PCCA: variants seen among roughly 807,000 people sequenced by gnomAD.
PCCA encodes propionyl-CoA carboxylase alpha chain, mitochondrial.
PCCA carries 74 observed loss-of-function variants against 101.3 expected under a neutral mutation model. The ratio of observed to expected loss-of-function variants is 0.73; its 90% confidence interval spans 0.61 to 0.89. The LOEUF (loss-of-function observed/expected upper bound fraction) is 0.89. Among genes scored for constraint, PCCA ranks in the 40% least tolerant of loss-of-function variants. The pLI is 0.00. For missense variants in PCCA, 891 were observed against 907.0 expected (o/e 0.98, Z 0.23); for synonymous variants, 294 against 313.6 (o/e 0.94, Z 0.66).
intron 4 of PCCA, among the ~76,000 whole-genome samples, chr13:100,123,242 T>G (rs2049594186): frequency 1.3e-5 from 2 of 151,880 alleles, no homozygotes; most frequent in Non-Finnish European, 2.9e-5. Flanking sequence ...TTTAGTAGAG[T>G]TGGGGTTTCA....
chr13:100,482,789 G>C (rs1207986292), intron 21 of PCCA, among the ~76,000 whole-genome samples: 1 of 152,172 alleles, frequency 6.6e-6, no homozygotes, highest in Non-Finnish European at 1.5e-5. Context: ...GGGAGGTCGG[G>C]GCGGGCGGAT....
intron 19 of PCCA, among the ~76,000 whole-genome samples, chr13:100,376,292 C>CG (rs796986900): frequency 2.4e-4 from 37 of 152,234 alleles, no homozygotes; most frequent in Admixed American, 1.0e-3. Flanking sequence ...TCAATCCCTG[C>CG]GGGGGGGTGT....
At chr13:100,203,535 TA>T (rs1194728841) in intron 6 of PCCA, among the ~76,000 whole-genome samples, 1 of 151,212 alleles carries the variant, frequency 6.6e-6, no homozygotes, top group Non-Finnish European at 1.5e-5. Flanking sequence ...ACTAAAAATA[TA>T]AAACCATATT....
intron 20 of PCCA, among the ~76,000 whole-genome samples, chr13:100,427,838 G>A (rs2079259997): frequency 6.6e-6 from 1 of 151,824 alleles, no homozygotes; most frequent in Non-Finnish European, 1.5e-5. Context: ...AAAATGTAAT[G>A]TGGCCCCTAT....
chr13:100,399,775 T>C (rs1259568569), intron 19 of PCCA, among the ~76,000 whole-genome samples: 1 of 152,158 alleles, frequency 6.6e-6, no homozygotes, highest in Non-Finnish European at 1.5e-5. Flanking sequence ...CTTCAATGAA[T>C]AGAAATTGTA....
At chr13:100,149,702 C>G (rs1013788667) in intron 4 of PCCA, 1 of 152,228 alleles carries the variant, frequency 6.6e-6, no homozygotes, top group East Asian at 1.9e-4. Context: ...TATTCTCAGT[C>G]GTGGTAAATA....
At chr13:100,162,651 C>G (rs570184563) in intron 6 of PCCA, among the ~76,000 whole-genome samples, 4 of 152,220 alleles carry the variant, frequency 2.6e-5, no homozygotes, top group African/African-American at 9.6e-5. Context: ...AACTTGGATG[C>G]CAGTGAAGGC....
intron 21 of PCCA, among the ~76,000 whole-genome samples, 166 bp from the exon 22 acceptor site, chr13:100,515,261 C>G (rs747746531): frequency 6.6e-6 from 1 of 152,118 alleles, no homozygotes; most frequent in Non-Finnish European, 1.5e-5. Context: ...CAATATATGA[C>G]AGAAACAAAT....
At chr13:100,107,588 C>T (rs2047926910) in intron 2 of PCCA, among the ~76,000 whole-genome samples, 1 of 152,130 alleles carries the variant, frequency 6.6e-6, no homozygotes, top group Non-Finnish European at 1.5e-5. Context: ...CATTGTTATA[C>T]TCTGATTACA....
At chr13:100,253,830 A>T (rs1403857615) in intron 8 of PCCA, among the ~76,000 whole-genome samples, 2 of 149,066 alleles carry the variant, frequency 1.3e-5, no homozygotes, top group Non-Finnish European at 3.0e-5. Context: ...GTGAGGAAAA[A>T]CTTGGGAAGG....
At chr13:100,348,764 CTTTCTTTCTTTCTTT>C (rs1566976071) in intron 18 of PCCA, among the ~76,000 whole-genome samples, 43 of 87,868 alleles carry the variant, frequency 4.9e-4, no homozygotes, top group African/African-American at 1.1e-3. Context: ...TTCTTTCTTT[CTTTCTTTCTTTCTTT>C]CTTTCTTTCT....
chr13:100,305,885 T>C, intron 14 of PCCA: 1 of 410,728 alleles, frequency 2.4e-6, no homozygotes, highest in South Asian at 2.0e-5. Flanking sequence ...TGTATATGAA[T>C]GTGAATACGA....
intron 21 of PCCA, among the ~76,000 whole-genome samples, chr13:100,514,325 C>T (rs1314942581): frequency 6.6e-6 from 1 of 152,176 alleles, no homozygotes; most frequent in Non-Finnish European, 1.5e-5. Flanking sequence ...TGAAGAGGCA[C>T]TTAGAGATTC....
At chr13:100,237,937 TTC>T (rs776776896) in intron 8 of PCCA, among the ~76,000 whole-genome samples, 75 of 136,518 alleles carry the variant, frequency 5.5e-4, no homozygotes, top group African/African-American at 1.7e-3. Flanking sequence ...CTTTCTTTCT[TTC>T]TTTTTTTTTT....
intron 19 of PCCA, among the ~76,000 whole-genome samples, chr13:100,377,585 C>G (rs2075994553): frequency 6.6e-6 from 1 of 152,168 alleles, no homozygotes; most frequent in Non-Finnish European, 1.5e-5. Flanking sequence ...AGCTCTACCT[C>G]CCAGGTTCAC....
chr13:100,396,858 G>A (rs2077066903), intron 19 of PCCA, among the ~76,000 whole-genome samples: 1 of 152,088 alleles, frequency 6.6e-6, no homozygotes. Flanking sequence ...GTTGAGTGAG[G>A]CTGGTGAACC....
chr13:100,324,395 A>AT (rs1210604132), intron 16 of PCCA, among the ~76,000 whole-genome samples: 4 of 151,972 alleles, frequency 2.6e-5, no homozygotes, highest in East Asian at 1.9e-4. Flanking sequence ...TTTATCTTGG[A>AT]TTTTTTTTCA....
chr13:100,130,978 TACATA>T (rs1430300676), intron 4 of PCCA, among the ~76,000 whole-genome samples: 1 of 152,190 alleles, frequency 6.6e-6, no homozygotes, highest in Non-Finnish European at 1.5e-5. Flanking sequence ...TGGTAAAGTA[TACATA>T]ACATAAAAGT....
At chr13:100,434,687 C>T (rs1319462122) in intron 20 of PCCA, among the ~76,000 whole-genome samples, 2 of 152,146 alleles carry the variant, frequency 1.3e-5, no homozygotes, top group African/African-American at 2.4e-5. Flanking sequence ...ATAATGACCC[C>T]GCCTGCTTTT....
Sources: allele counts gnomAD v4.1 joint callset (sites outside exome capture counted in the v4.1 genomes callset), GRCh38; gene constraint gnomAD v4.1.1; transcripts MANE v1.5; gene names NCBI Gene and HGNC (gene_info 2026-07-23, HGNC 2026-07-21).